ZNF8: variants seen among roughly 807,000 people sequenced by gnomAD.
The protein encoded by ZNF8 is zinc finger protein 272.
In ZNF8, 9 loss-of-function variants were observed where a neutral mutation model predicts 12.2. That is an observed-to-expected ratio of 0.73 (90% CI 0.44 to 1.28). ZNF8 has a LOEUF of 1.28. Ranked by LOEUF, ZNF8 falls within the 50% of genes most tolerant of loss-of-function variation. The pLI is 0.00. For synonymous variants in ZNF8, 274 were observed against 282.3 expected (o/e 0.97, Z 0.30); for missense variants, 664 against 729.1 (o/e 0.91, Z 1.03).
chr19:58,296,085 G>A lies in ZNF8; in HGVS notation c.*549G>A, dbSNP rs1011566179. Reference sequence around the variant, plus strand: ...GGAAAAGTTTTTAACAACATAATATGCTATTGCATTTCTGGGAAATTCTGG... The same window carrying A: ...GGAAAAGTTTTTAACAACATAATATACTATTGCATTTCTGGGAAATTCTGG... On this transcript the variant is annotated 3_prime_UTR_variant, in exon 4 of 4. Transcript: ENST00000621650. 2 of 152,740 alleles carry A rather than the reference G, an allele frequency of 1.3e-5. No individual in the cohort carries two copies. The highest frequency in any genetic ancestry group is 4.8e-5 in the African/African-American group (2 of 41,440). 9.5% of individuals were successfully genotyped at this position (152,740 alleles called of 1,614,324 possible). A position where few individuals can be genotyped will look rare whatever the true frequency, so the allele number is the denominator to read the frequency against.
At position 58,294,611 on chromosome 19, in the gene ZNF8, A is replaced by G; in HGVS notation, c.803A>G (p.His268Arg). The change falls in exon 4 of 4, where the codon CAT becomes CGT. Residue 268 changes from histidine (H) to arginine (R), a missense_variant. His to Arg is a conservative substitution (Grantham distance 29). Transcript: ENST00000621650. The surrounding 1 kb of genome is among the most constrained non-coding windows in gnomAD (Gnocchi z 5.5). Reference sequence around the variant, plus strand: ...ACTGACTGTGGGAAGTCGTTTAACCATAACGCACACCTCACCGTGCACAAG... The same window carrying G: ...ACTGACTGTGGGAAGTCGTTTAACCGTAACGCACACCTCACCGTGCACAAG... ...KCTDCGKSFN[H>R]NAHLTVHKRI... 1 of 1,614,178 alleles carries G rather than the reference A, an allele frequency of 6.2e-7. No homozygotes were observed. The highest frequency in any genetic ancestry group is 8.5e-7 in the Non-Finnish European group (1 of 1,180,048).
rs759211944 is a variant in ZNF8 at position 58,298,791 on chromosome 19, A to G, written c.*3255A>G. On this transcript the variant is annotated 3_prime_UTR_variant, in exon 4 of 4. Transcript: ENST00000621650. ...GTTTTCTATTTGTTTCATAGTAATC[A>G]TAATCTAAACAAGATCCACACAGTG... 1.2e-4 allele frequency: 18 copies of G among 151,478 alleles called. No homozygotes were observed. The highest frequency in any genetic ancestry group is 2.4e-4 in the Non-Finnish European group (16 of 67,828). The allele number at this position is 151,478 out of a possible 1,614,324, so 9.4% of individuals were successfully genotyped here. A position where few individuals can be genotyped will look rare whatever the true frequency, so the allele number is the denominator to read the frequency against.
rs1352682683 is a variant in ZNF8, at chr19:58,296,382, T to C, written c.*846T>C. 6.6e-6 allele frequency: 1 copy of C among 152,148 alleles called. No homozygotes were observed. The highest frequency in any genetic ancestry group is 1.5e-5 in the Non-Finnish European group (1 of 68,048). The allele number at this position is 152,148 out of a possible 1,614,324, so 9.4% of individuals were successfully genotyped here. On this transcript the variant is annotated 3_prime_UTR_variant, in exon 4 of 4. Coordinates refer to ENST00000621650, the MANE Select transcript of ZNF8 (RefSeq NM_021089.3). ...TCTTGAAAAACATCTGGTGTTGCTA[T>C]GAGCCAGAAGTTCTTTTTTTTGTTT...
chr19:58,279,953 T>A (rs2051339137), intron 1 of ZNF8: 3 of 987,642 alleles, frequency 3.0e-6, no homozygotes, highest in South Asian at 1.7e-5. Context: ...AAAGTGAGAC[T>A]TGATAATCTT....
intron 3 of ZNF8, among the ~76,000 whole-genome samples, chr19:58,289,814 T>C (rs74575198): frequency 6.6e-6 from 1 of 151,920 alleles, no homozygotes; most frequent in Non-Finnish European, 1.5e-5. Flanking sequence ...TTTTTTTTTT[T>C]TGAGACAGAG....
In ZNF8 at chr19:58,298,880, T is replaced by C. The variant is rs1048414337; in HGVS notation, c.*3344T>C. On this transcript the variant is annotated 3_prime_UTR_variant, in exon 4 of 4. Coordinates refer to ENST00000621650, the MANE Select transcript of ZNF8 (RefSeq NM_021089.3). ...TTTTTTGTGATGGAGACTTGCTCTG[T>C]CACGTGGTTCACTGCAACCTCCCAG... 6.6e-6 allele frequency: 1 copy of C among 151,518 alleles called. No individual in the cohort carries two copies. Among genetic ancestry groups the C allele is most frequent in the South Asian group, 2.1e-4 (1 of 4,792 alleles). 9.4% of individuals were successfully genotyped at this position (151,518 alleles called of 1,614,324 possible). A position where few individuals can be genotyped will look rare whatever the true frequency, so the allele number is the denominator to read the frequency against.
intron 3 of ZNF8, chr19:58,286,511 C>T (rs890578551): frequency 3.7e-6 from 1 of 271,018 alleles, no homozygotes; most frequent in African/African-American, 2.2e-5. Context: ...GACATGAGCT[C>T]TACCAGGGAA....
At position 58,299,333 on chromosome 19, in the gene ZNF8, C is replaced by CA. The variant is rs1485289430; in HGVS notation, c.*3799dup. ...TTCACCCTGTTAGCCAGGATGGTCT[C>CA]AATCTCCTGACCTCGTGATCCACCT... On this transcript the variant is annotated 3_prime_UTR_variant, in exon 4 of 4. Coordinates refer to ENST00000621650, the MANE Select transcript of ZNF8 (RefSeq NM_021089.3). The CA allele has an allele frequency of 6.6e-6, 1 of 150,686 alleles. No individual in the cohort carries two copies. The highest frequency in any genetic ancestry group is 1.5e-5 in the Non-Finnish European group (1 of 67,674). The allele number at this position is 150,686 out of a possible 1,614,324, so 9.3% of individuals were successfully genotyped here. A position where few individuals can be genotyped will look rare whatever the true frequency, so the allele number is the denominator to read the frequency against.
chr19:58,285,094 C>A (rs546459681), intron 1 of ZNF8, among the ~76,000 whole-genome samples: 1 of 151,832 alleles, frequency 6.6e-6, no homozygotes, highest in Non-Finnish European at 1.5e-5. Context: ...TGAAAGCAGG[C>A]GAATTTCTGA....
At chr19:58,279,561 T>A in intron 1 of ZNF8, 1 of 1,528,000 alleles carries the variant, frequency 6.5e-7, no homozygotes, top group Non-Finnish European at 8.7e-7. Context: ...TAGAGATGCT[T>A]TAACGCGTGG....
chr19:58,286,027 A>G, intron 2 of ZNF8, 83 bp from the exon 3 acceptor site: 1 of 1,485,782 alleles, frequency 6.7e-7, no homozygotes, highest in Non-Finnish European at 9.3e-7. Context: ...GTGTCCTCAC[A>G]GTCGGGAGTC....
At chr19:58,279,358 C>T in intron 1 of ZNF8, 5 of 1,464,262 alleles carry the variant, frequency 3.4e-6, no homozygotes, top group Non-Finnish European at 4.5e-6. Flanking sequence ...CCCCCGAATG[C>T]GCATGCTCCA....
rs2147961407 is a variant in ZNF8, at chr19:58,295,046, C to T, written c.1238C>T (p.Ala413Val). The change falls in exon 4 of 4, where the codon GCC becomes GTC. Residue 413 changes from alanine (A) to valine (V), a missense_variant. Physicochemically the swap from Ala to Val is moderately conservative, Grantham distance 64 (BLOSUM62 0). Coordinates refer to ENST00000621650, the MANE Select transcript of ZNF8 (RefSeq NM_021089.3). ...GGCTTCAGGCACAGCTCATCCCTGGCCCAGCACCAGCGGAAGCACGCGGGG... is the reference window on the plus strand; with the variant it reads ...GGCTTCAGGCACAGCTCATCCCTGGTCCAGCACCAGCGGAAGCACGCGGGG... The part of the protein sequence containing the change: ...GKGFRHSSSL[A>V]QHQRKHAGEK... 1 of 1,614,088 alleles carries T rather than the reference C, an allele frequency of 6.2e-7. No individual in the cohort carries two copies. The highest frequency in any genetic ancestry group is 1.1e-5 in the South Asian group (1 of 91,088).
At chr19:58,291,741 G>T (rs1329562216) in intron 3 of ZNF8, among the ~76,000 whole-genome samples, 1 of 152,228 alleles carries the variant, frequency 6.6e-6, no homozygotes, top group Non-Finnish European at 1.5e-5. Context: ...GCAAGATGGG[G>T]TGCTCATGCC....
chr19:58,290,091 T>G (rs889796988), intron 3 of ZNF8, among the ~76,000 whole-genome samples: 148 of 108,422 alleles, frequency 1.4e-3, no homozygotes, highest in Non-Finnish European at 2.2e-3. Flanking sequence ...CCACCGCGCC[T>G]GGCCCATTTC....
At chr19:58,283,532 G>A (rs534860632) in intron 1 of ZNF8, among the ~76,000 whole-genome samples, 111 of 151,926 alleles carry the variant, frequency 7.3e-4, no homozygotes, top group African/African-American at 2.5e-3. Context: ...ATAACAAGAA[G>A]GCCCTCACCA....
At chr19:58,281,123 G>T (rs372272805) in intron 1 of ZNF8, among the ~76,000 whole-genome samples, 3 of 152,292 alleles carry the variant, frequency 2.0e-5, no homozygotes, top group African/African-American at 4.8e-5. Context: ...GCCAGGCTGA[G>T]AGGAGCCATC....
At chr19:58,289,921 C>T (rs896154164) in intron 3 of ZNF8, among the ~76,000 whole-genome samples, 5 of 151,936 alleles carry the variant, frequency 3.3e-5, no homozygotes, top group Admixed American at 3.3e-4. Context: ...CCTCCACCTC[C>T]CAAGTAGCTG....
chr19:58,290,108 C>CTTTTTTTTT (rs773199651), intron 3 of ZNF8, among the ~76,000 whole-genome samples: 6 of 73,424 alleles, frequency 8.2e-5, no homozygotes, highest in Admixed American at 2.0e-4. Context: ...TTTCAAGATT[C>CTTTTTTTTT]TTTTTTTTTT....
Sources: gnomAD v4.1 joint callset for allele counts (sites outside exome capture counted in the v4.1 genomes callset) on GRCh38, gnomAD v4.1.1 for gene constraint, Gnocchi (gnomAD v3.1) non-coding constraint, MANE v1.5 for transcripts, NCBI Gene and HGNC (gene_info 2026-07-23, HGNC 2026-07-21) for gene names.